Variants in RGS6 observed in about 807,000 individuals in gnomAD.
The protein encoded by RGS6 is regulator of G-protein signaling 6.
RGS6 carries 30 observed loss-of-function variants against 78.5 expected under a neutral mutation model. The observed-to-expected ratio is 0.38, with a 90% CI of 0.29 to 0.52. RGS6 has a LOEUF of 0.52. RGS6 is among the 20% of genes least tolerant of loss of function. The pLI, the probability that RGS6 is intolerant of heterozygous loss-of-function variation, is 0.85. For synonymous variants in RGS6, 206 were observed against 206.0 expected (o/e 1.00, Z 0.00); for missense variants, 495 against 609.7 (o/e 0.81, Z 1.98).
the RGS6 span, among the ~76,000 whole-genome samples, chr14:71,912,511 C>T: frequency 1.3e-5 from 2 of 152,178 alleles, no homozygotes; most frequent in African/African-American, 4.8e-5. Context: ...AACCCCAAAA[C>T]TGAAGAAGGA....
At chr14:72,032,944 A>G (rs562631071) in intron 2 of RGS6, among the ~76,000 whole-genome samples, 7 of 152,224 alleles carry the variant, frequency 4.6e-5, no homozygotes, top group South Asian at 4.2e-4. Context: ...TCATGATTCT[A>G]TTTTTGATTC....
chr14:72,232,943 GGGTGGCCACAGGAGACGTAAGGGAGCGTT>G, intron 2 of RGS6, among the ~76,000 whole-genome samples: 1 of 152,280 alleles, frequency 6.6e-6, no homozygotes, highest in East Asian at 1.9e-4. Flanking sequence ...AGCAGAGCAT[GGGTGGCCACAGGAGACGTAAGGGAGCGTT>G]GTCTGAGGGG....
chr14:72,607,203 A>G, the RGS6 span, among the ~76,000 whole-genome samples: 1 of 152,224 alleles, frequency 6.6e-6, no homozygotes, highest in Admixed American at 6.5e-5. Context: ...TTGATGGGAT[A>G]AAATGTCTTC....
At chr14:72,195,631 C>A (rs184056141) in intron 2 of RGS6, among the ~76,000 whole-genome samples, 1 of 152,186 alleles carries the variant, frequency 6.6e-6, no homozygotes, top group Non-Finnish European at 1.5e-5. Context: ...CAAGTCACAG[C>A]GCTCAAAGCA....
chr14:72,122,352 T>A (rs2096071201), intron 2 of RGS6, among the ~76,000 whole-genome samples: 2 of 152,112 alleles, frequency 1.3e-5, no homozygotes, highest in South Asian at 4.1e-4. Context: ...GTAGCCATAG[T>A]AATAGTAGCC....
intron 2 of RGS6, among the ~76,000 whole-genome samples, chr14:71,967,136 A>G (rs1004684730): frequency 7.2e-5 from 11 of 151,740 alleles, no homozygotes; most frequent in African/African-American, 2.7e-4. Flanking sequence ...TAGAGAAATG[A>G]CAACTAGTAA....
the RGS6 span, among the ~76,000 whole-genome samples, chr14:71,871,092 G>A: frequency 1.3e-5 from 2 of 152,200 alleles, no homozygotes; most frequent in African/African-American, 4.8e-5. Flanking sequence ...GAACAGCACA[G>A]GTAGAGCTTC....
chr14:72,312,479 G>T (rs1013733000), intron 2 of RGS6, among the ~76,000 whole-genome samples: 1 of 152,134 alleles, frequency 6.6e-6, no homozygotes, highest in African/African-American at 2.4e-5. Flanking sequence ...AAGATGAAAA[G>T]GACAGGCTCT....
Position 72,563,001 on chromosome 14 carries a change from C to T in RGS6, c.*534C>T. The T allele has an allele frequency of 5.2e-6, 3 of 572,228 alleles. No individual in the cohort carries two copies. Among genetic ancestry groups the T allele is most frequent in the Non-Finnish European group, 9.4e-6 (3 of 319,440 alleles). The allele number at this position is 572,228 out of a possible 1,614,324, so 35.4% of individuals were successfully genotyped here. ...CTCTGTGGCCACCCGGGTGTCACTGCCAGCACCAGGCACTGCTTTCACGTA... is the reference window on the plus strand; with the variant it reads ...CTCTGTGGCCACCCGGGTGTCACTGTCAGCACCAGGCACTGCTTTCACGTA... On this transcript the variant is annotated 3_prime_UTR_variant, in exon 18 of 18. Coordinates refer to ENST00000553525, the MANE Select transcript of RGS6 (RefSeq NM_001204424.2).
chr14:72,152,564 T>C (rs1452825602), intron 2 of RGS6, among the ~76,000 whole-genome samples: 1 of 152,184 alleles, frequency 6.6e-6, no homozygotes, highest in Non-Finnish European at 1.5e-5. Flanking sequence ...TTTTGTAAAC[T>C]AACAACACTT....
chr14:72,540,491 A>G (rs1221861381), intron 17 of RGS6: 39 of 173,050 alleles, frequency 2.3e-4, no homozygotes, highest in African/African-American at 7.4e-4. Flanking sequence ...TAGCTCATCG[A>G]AAAAAAAAAA....
intron 2 of RGS6, among the ~76,000 whole-genome samples, chr14:72,292,753 T>C (rs190094852): frequency 6.6e-6 from 1 of 152,290 alleles, no homozygotes; most frequent in African/African-American, 2.4e-5. Flanking sequence ...GACCAGTGCA[T>C]CCCCTGGAAG....
chr14:71,945,537 A>G (rs755885304), intron 1 of RGS6, among the ~76,000 whole-genome samples: 3 of 152,258 alleles, frequency 2.0e-5, no homozygotes, highest in Non-Finnish European at 4.4e-5. Flanking sequence ...TTGTTTGTAC[A>G]TTACACAGAT....
chr14:72,060,261 T>C (rs1292068754), intron 2 of RGS6, among the ~76,000 whole-genome samples: 2 of 152,230 alleles, frequency 1.3e-5, no homozygotes, highest in African/African-American at 4.8e-5. Flanking sequence ...AGTTATTTTG[T>C]ATGTTATATA....
intron 17 of RGS6, among the ~76,000 whole-genome samples, chr14:72,554,194 G>T (rs1439183161): frequency 6.6e-6 from 1 of 152,252 alleles, no homozygotes; most frequent in Non-Finnish European, 1.5e-5. Context: ...GGGATGAGAG[G>T]TCAGCAATTC....
chr14:72,458,957 T>G (rs1486642185), intron 5 of RGS6, among the ~76,000 whole-genome samples: 1 of 152,192 alleles, frequency 6.6e-6, no homozygotes, highest in African/African-American at 2.4e-5. Context: ...TTGTACAGAT[T>G]TCCTCATTTA....
chr14:71,899,554 T>C, the RGS6 span, among the ~76,000 whole-genome samples: 1 of 152,188 alleles, frequency 6.6e-6, no homozygotes, highest in African/African-American at 2.4e-5. Flanking sequence ...CAAATCCAGG[T>C]AATTTCATTT....
chr14:72,166,262 G>T (rs51073), intron 2 of RGS6, among the ~76,000 whole-genome samples: 76,824 of 151,772 alleles, frequency 0.51, 19,722 homozygotes, highest in East Asian at 0.71. Context: ...TTTACTATAT[G>T]TCTTATTTTT....
chr14:72,176,713 T>G (rs192876829), intron 2 of RGS6, among the ~76,000 whole-genome samples: 1 of 152,358 alleles, frequency 6.6e-6, no homozygotes, highest in Non-Finnish European at 1.5e-5. Flanking sequence ...ATAGAAAGAT[T>G]ATTTTAAACT....
Sources: allele counts gnomAD v4.1 joint callset (sites outside exome capture counted in the v4.1 genomes callset), GRCh38; gene constraint gnomAD v4.1.1; transcripts MANE v1.5; gene names NCBI Gene and HGNC (gene_info 2026-07-23, HGNC 2026-07-21).